The following ICE1 variants were observed in gnomAD, a reference collection of about 807,000 sequenced individuals.
ICE1 encodes the protein interactor of little elongation complex ELL subunit 1.
Under a neutral mutation model 192.7 loss-of-function variants are expected in ICE1, and 64 were observed. The ratio of observed to expected loss-of-function variants is 0.33; its 90% CI spans 0.27 to 0.41. The LOEUF (loss-of-function observed/expected upper bound fraction) is 0.41, where lower values mean the gene tolerates loss of function less well. Among genes scored for constraint, ICE1 ranks in the 10% least tolerant of loss-of-function variants. ICE1 has a pLI of 1.00. For missense variants in ICE1, 2,708 were observed against 2,696.0 expected (o/e 1.00, Z -0.10); for synonymous variants, 1,010 against 984.5 (o/e 1.03, Z -0.49).
chr5:5,458,553 T>A (rs531505119), intron 12 of ICE1, among the ~76,000 whole-genome samples: 1 of 152,238 alleles, frequency 6.6e-6, no homozygotes, highest in African/African-American at 2.4e-5. Context: ...GAAGATTCAA[T>A]CCCCACACTG....
Position 5,447,871 on chromosome 5 carries a change from G to A in ICE1, c.578G>A (p.Ser193Asn), listed in dbSNP as rs763669366. The A allele has an allele frequency of 8.2e-6, 13 of 1,577,440 alleles. No individual in the cohort carries two copies. The highest frequency in any genetic ancestry group is 1.8e-5 in the Admixed American group (1 of 54,968). Residue 193 changes from serine (S) to asparagine (N), a missense_variant, in exon 10 of 19, where the codon AGT becomes AAT. Ser to Asn is a conservative substitution (Grantham distance 46). This residue lies in a region of ICE1 where 2,366 missense variants were observed against 2,276.6 expected (regional missense o/e 1.04). Transcript: ENST00000296564. ...ELRHIGTQIS[S>N]DSYGSIDKRK... is the part of the protein sequence containing the mutation. ...AGACATATTGGAACACAAATTTCAAGTGATTCATATGGAAGCATAGATAAA... is the reference window on the plus strand; with the variant it reads ...AGACATATTGGAACACAAATTTCAAATGATTCATATGGAAGCATAGATAAA...
intron 11 of ICE1, among the ~76,000 whole-genome samples, chr5:5,455,370 C>A (rs1738553909): frequency 6.6e-6 from 1 of 152,180 alleles, no homozygotes; most frequent in African/African-American, 2.4e-5. Flanking sequence ...CCTCAGTTCA[C>A]CTGCCAGGTA....
rs1018606756 is a variant in ICE1, at chr5:5,447,588, C to T, written c.507+79C>T. On this transcript the variant is annotated intron_variant, in intron 8 of 18. Transcript: ENST00000296564. ...TGTAGTGTCTCTGTGTTGTAACTCA[C>T]GTAGGAGTCAACATGAGGCCCCCTG... 8.1e-6 allele frequency: 11 copies of T among 1,361,206 alleles called. No individual in the cohort carries two copies. In the Admixed American group the frequency reaches 8.3e-5, roughly 10 times the overall value. The allele number at this position is 1,361,206 out of a possible 1,614,324, so 84.3% of individuals were successfully genotyped here. A position where few individuals can be genotyped will look rare whatever the true frequency, so the allele number is the denominator to read the frequency against.
chr5:5,450,616 C>G (rs941436764), intron 10 of ICE1, among the ~76,000 whole-genome samples: 7 of 152,160 alleles, frequency 4.6e-5, no homozygotes, highest in Non-Finnish European at 7.4e-5. Context: ...GTCTCCGTCT[C>G]TGACACCTTC....
At chr5:5,453,435 G>A (rs1403460187) in intron 10 of ICE1, among the ~76,000 whole-genome samples, 1 of 152,130 alleles carries the variant, frequency 6.6e-6, no homozygotes, top group Non-Finnish European at 1.5e-5. Flanking sequence ...CTTAAGTAGA[G>A]CTAATCTCTT....
At chr5:5,470,225 G>C (rs1228981140) in intron 15 of ICE1, among the ~76,000 whole-genome samples, 2 of 152,116 alleles carry the variant, frequency 1.3e-5, no homozygotes, top group Non-Finnish European at 2.9e-5. Context: ...AGGGTTACCT[G>C]CCTACAGGGG....
intron 3 of ICE1, among the ~76,000 whole-genome samples, chr5:5,438,576 A>G (rs1404510902): frequency 6.6e-6 from 1 of 152,216 alleles, no homozygotes; most frequent in East Asian, 1.9e-4. Context: ...AATTATCACA[A>G]CTTTTAGAAG....
rs144198364 is a variant in ICE1 at position 5,451,349 on chromosome 5, T to C, written c.605-3203T>C. Among the ~76,000 whole-genome samples, 716 of 152,288 alleles carry C rather than the reference T, an allele frequency of 4.7e-3. 6 individuals are homozygous for C. The highest frequency in any genetic ancestry group is 0.016 in the African/African-American group (679 of 41,572). On this transcript the variant is annotated intron_variant, in intron 10 of 18. Coordinates refer to ENST00000296564, the MANE Select transcript of ICE1 (RefSeq NM_015325.3). ...AAATAAATACGGAGAATGAAGTGTT[T>C]AACTGAAAGAAAAAATTGATGAAAA...
intron 13 of ICE1, 80 bp from the exon 14 acceptor site, chr5:5,466,254 T>C (rs1288360387): frequency 1.6e-5 from 21 of 1,318,182 alleles, no homozygotes; most frequent in Non-Finnish European, 2.1e-5. Flanking sequence ...TACTTAAGTT[T>C]TGTAACTTTT....
At chr5:5,475,460 T>C (rs908592041) in intron 16 of ICE1, among the ~76,000 whole-genome samples, 5 of 152,210 alleles carry the variant, frequency 3.3e-5, no homozygotes, top group African/African-American at 1.2e-4. Flanking sequence ...AAAAAACAGA[T>C]GACAAAGAGG....
intron 12 of ICE1, among the ~76,000 whole-genome samples, chr5:5,458,284 C>T (rs1443901268): frequency 6.6e-6 from 1 of 152,174 alleles, no homozygotes; most frequent in Admixed American, 6.5e-5. Flanking sequence ...GAATCAGTTT[C>T]TTTCTTTATG....
intron 1 of ICE1, among the ~76,000 whole-genome samples, chr5:5,429,302 G>A (rs934455459): frequency 1.1e-4 from 16 of 152,168 alleles, no homozygotes; most frequent in African/African-American, 3.4e-4. Flanking sequence ...TACATGATGA[G>A]CCATTTTCAT....
At chr5:5,478,763 A>G (rs189594264) in intron 17 of ICE1, among the ~76,000 whole-genome samples, 1 of 152,342 alleles carries the variant, frequency 6.6e-6, no homozygotes, top group Admixed American at 6.5e-5. Flanking sequence ...GACCAATGGA[A>G]CAGAACAGAG....
chr5:5,427,097 T>C (rs1299234440), intron 1 of ICE1, among the ~76,000 whole-genome samples: 1 of 152,258 alleles, frequency 6.6e-6, no homozygotes. Flanking sequence ...TGTCCTTTTT[T>C]TCTTTAGTTG....
intron 3 of ICE1, among the ~76,000 whole-genome samples, chr5:5,438,901 A>T (rs141670693): frequency 1.2e-3 from 177 of 152,358 alleles, no homozygotes; most frequent in African/African-American, 4.0e-3. Flanking sequence ...TGCTCCAAGT[A>T]TGCATTTGTT....
At position 5,436,491 on chromosome 5, in the gene ICE1, A is replaced by T. The variant is rs977271778; in HGVS notation, c.143+15A>T. On this transcript the variant is annotated intron_variant, in intron 2 of 18. Coordinates refer to ENST00000296564, the MANE Select transcript of ICE1 (RefSeq NM_015325.3). ...ATCAATACAGAGTAAGTATATTTGC[A>T]TGTCGTTTGGCAGAACTTTGTAAAC... is the stretch of plus-strand genomic sequence containing the variant. 1 of 1,429,894 alleles carries T rather than the reference A, an allele frequency of 7.0e-7. No homozygotes were observed. Among genetic ancestry groups the T allele is most frequent in the Admixed American group, 2.7e-5 (1 of 37,724 alleles). The allele number at this position is 1,429,894 out of a possible 1,614,324, so 88.6% of individuals were successfully genotyped here.
intron 11 of ICE1, among the ~76,000 whole-genome samples, chr5:5,455,697 T>G (rs1421931173): frequency 6.6e-6 from 1 of 152,198 alleles, no homozygotes; most frequent in Admixed American, 6.5e-5. Flanking sequence ...TATTCTTTTG[T>G]TTTAACTTTT....
chr5:5,437,482 A>T (rs544259360), intron 3 of ICE1: 2 of 179,584 alleles, frequency 1.1e-5, no homozygotes, highest in African/African-American at 4.7e-5. Context: ...CAAGAAGTAC[A>T]GTATGGGAAA....
intron 17 of ICE1, among the ~76,000 whole-genome samples, chr5:5,482,999 G>GT (rs1324422264): frequency 7.9e-5 from 12 of 151,426 alleles, no homozygotes; most frequent in South Asian, 2.1e-4. Context: ...TTCTTTTTTT[G>GT]TTTTTTTTGA....
Sources: gnomAD v4.1 joint callset for allele counts (sites outside exome capture counted in the v4.1 genomes callset) on GRCh38, gnomAD v4.1.1 for gene constraint, gnomAD v4.1.1 regional missense constraint, MANE v1.5 for transcripts, NCBI Gene and HGNC (gene_info 2026-07-23, HGNC 2026-07-21) for gene names.